Variants in ADAMTSL1 observed in about 807,000 individuals in gnomAD.
ADAMTSL1 encodes ADAMTS-like protein 1.
Under a neutral mutation model 201.8 loss-of-function variants are expected in ADAMTSL1, and 126 were observed. The observed-to-expected ratio is 0.62, with a 90% CI of 0.54 to 0.72. The LOEUF is 0.72. Among genes scored for constraint, ADAMTSL1 ranks in the 30% least tolerant of loss-of-function variants. ADAMTSL1 has a pLI of 0.00. For missense variants in ADAMTSL1, 2,679 were observed against 2,277.8 expected (o/e 1.18, Z -3.59); for synonymous variants, 1,121 against 903.4 (o/e 1.24, Z -4.32).
chr9:18,257,158 G>C (rs887307305), intron 2 of ADAMTSL1, among the ~76,000 whole-genome samples: 1 of 152,088 alleles, frequency 6.6e-6, no homozygotes, highest in Non-Finnish European at 1.5e-5. Context: ...TAGATGTCAG[G>C]TATGGTGATC....
intron 3 of ADAMTSL1, among the ~76,000 whole-genome samples, chr9:18,572,428 T>C (rs1822390215): frequency 6.6e-6 from 1 of 152,204 alleles, no homozygotes; most frequent in South Asian, 2.1e-4. Context: ...TTATTCATAC[T>C]CTTTTCAGAC....
At chr9:18,787,280 T>C (rs969016835) in intron 19 of ADAMTSL1, among the ~76,000 whole-genome samples, 4 of 152,032 alleles carry the variant, frequency 2.6e-5, no homozygotes, top group Non-Finnish European at 5.9e-5. Flanking sequence ...TACATAAGCC[T>C]CACAAAAGAA....
intron 1 of ADAMTSL1, among the ~76,000 whole-genome samples, chr9:18,143,168 A>G (rs1826475464): frequency 6.6e-6 from 1 of 152,190 alleles, no homozygotes; most frequent in Non-Finnish European, 1.5e-5. Context: ...GCTGCCATCT[A>G]GGAAAGTGGA....
rs1445700053 is a variant in ADAMTSL1, at chr9:18,609,212, A to G, written c.475-13031A>G. On this transcript the variant is annotated intron_variant, in intron 4 of 28. Transcript: ENST00000380548. ...GTGGTTCCTGAATTAACTCTGAAAAATCAGTAGTCCTGGAGTTGGAGAGCT... is the reference window on the plus strand; with the variant it reads ...GTGGTTCCTGAATTAACTCTGAAAAGTCAGTAGTCCTGGAGTTGGAGAGCT... Among the ~76,000 whole-genome samples, 15 of 152,340 alleles carry G rather than the reference A, an allele frequency of 9.8e-5. No individual in the cohort carries two copies. In the East Asian group the frequency reaches 2.9e-3, roughly 29 times the overall value.
intron 13 of ADAMTSL1, among the ~76,000 whole-genome samples, chr9:18,695,523 A>G (rs1415514027): frequency 6.6e-6 from 1 of 152,204 alleles, no homozygotes; most frequent in African/African-American, 2.4e-5. Context: ...CACATCTGGA[A>G]CACTTTGCTG....
intron 1 of ADAMTSL1, among the ~76,000 whole-genome samples, chr9:18,109,841 ACC>A (rs1304184473): frequency 6.6e-6 from 1 of 152,100 alleles, no homozygotes; most frequent in African/African-American, 2.4e-5. Flanking sequence ...CTGTAGTCAC[ACC>A]CCTACTGCCA....
chr9:18,500,354 T>C (rs1822769133), intron 1 of ADAMTSL1, among the ~76,000 whole-genome samples: 1 of 152,236 alleles, frequency 6.6e-6, no homozygotes, highest in African/African-American at 2.4e-5. Flanking sequence ...AGGAGGCATA[T>C]AATGATCTGT....
chr9:18,697,485 T>A (rs925952523), intron 13 of ADAMTSL1, among the ~76,000 whole-genome samples: 10 of 152,172 alleles, frequency 6.6e-5, no homozygotes, highest in Non-Finnish European at 1.0e-4. Context: ...AGCAGTTCGT[T>A]GAAAAGACAA....
intron 2 of ADAMTSL1, among the ~76,000 whole-genome samples, chr9:18,219,341 ATTTTTATT>A (rs1449271120): frequency 7.7e-5 from 11 of 142,046 alleles, no homozygotes; most frequent in African/African-American, 2.9e-4. Flanking sequence ...TTTACATTTT[ATTTTTATT>A]TATTTATTTA....
Position 18,891,004 on chromosome 9 carries a change from T to C in ADAMTSL1, c.4643+1256T>C, listed in dbSNP as rs1273168751. Reference sequence around the variant, plus strand: ...GAGTTTTTAAACACCTCTTGCCTGCTTCCTAAGTGGCTCTGCTCCTGTGGG... The same window carrying C: ...GAGTTTTTAAACACCTCTTGCCTGCCTCCTAAGTGGCTCTGCTCCTGTGGG... On this transcript the variant is annotated intron_variant, in intron 25 of 28. Transcript: ENST00000380548. 2.6e-5 allele frequency among the ~76,000 whole-genome samples: 4 copies of C among 152,342 alleles called. No individual in the cohort carries two copies. The East Asian group carries it at 7.7e-4, about 29-fold the overall frequency.
intron 1 of ADAMTSL1, among the ~76,000 whole-genome samples, chr9:17,957,121 T>C (rs1429270314): frequency 6.6e-6 from 1 of 152,182 alleles, no homozygotes; most frequent in East Asian, 1.9e-4. Flanking sequence ...AAACTGATAT[T>C]AGAAAGATTA....
chr9:18,574,566 T>G, intron 4 of ADAMTSL1: 3 of 536,592 alleles, frequency 5.6e-6, no homozygotes, highest in Non-Finnish European at 9.8e-6. Flanking sequence ...ATCCCCTGGA[T>G]TGGCTATTCC....
chr9:18,827,446 G>T (rs1274074868), intron 22 of ADAMTSL1, among the ~76,000 whole-genome samples: 1 of 151,672 alleles, frequency 6.6e-6, no homozygotes, highest in Non-Finnish European at 1.5e-5. Flanking sequence ...AGATTTCAGA[G>T]AGGCCCAAAC....
chr9:18,833,900 T>C (rs570802019), intron 23 of ADAMTSL1, among the ~76,000 whole-genome samples: 1 of 152,228 alleles, frequency 6.6e-6, no homozygotes, highest in African/African-American at 2.4e-5. Context: ...TTTAATCTTC[T>C]CTATATGGCT....
At chr9:18,018,237 G>T (rs1563951569) in intron 1 of ADAMTSL1, among the ~76,000 whole-genome samples, 1 of 152,024 alleles carries the variant, frequency 6.6e-6, no homozygotes, top group East Asian at 1.9e-4. Flanking sequence ...ATTAATAAGA[G>T]CCCACTTATA....
intron 9 of ADAMTSL1, among the ~76,000 whole-genome samples, chr9:18,663,170 T>C (rs556913148): frequency 6.6e-6 from 1 of 152,312 alleles, no homozygotes; most frequent in Admixed American, 6.5e-5. Flanking sequence ...ATTCCTCTAC[T>C]CTTTTATCTT....
chr9:18,827,798 C>A (rs981999715), intron 22 of ADAMTSL1, among the ~76,000 whole-genome samples: 5 of 152,114 alleles, frequency 3.3e-5, no homozygotes, highest in African/African-American at 1.2e-4. Context: ...ACACGGTGTT[C>A]GAAGAGCAAA....
intron 23 of ADAMTSL1, among the ~76,000 whole-genome samples, chr9:18,851,621 G>T (rs1826496067): frequency 6.6e-6 from 1 of 152,170 alleles, no homozygotes; most frequent in Non-Finnish European, 1.5e-5. Context: ...GTTCAGGGTT[G>T]GCGTGGGGTT....
chr9:18,215,891 A>G (rs952087408), intron 2 of ADAMTSL1, among the ~76,000 whole-genome samples: 2 of 152,166 alleles, frequency 1.3e-5, no homozygotes, highest in Non-Finnish European at 2.9e-5. Flanking sequence ...ACTTTTGTCA[A>G]CTCACCAAAT....
Sources: gnomAD v4.1 joint callset for allele counts (sites outside exome capture counted in the v4.1 genomes callset) on GRCh38, gnomAD v4.1.1 for gene constraint, MANE v1.5 for transcripts, NCBI Gene and HGNC (gene_info 2026-07-23, HGNC 2026-07-21) for gene names.